RCVRN: variants seen among roughly 807,000 people sequenced by gnomAD.
The protein encoded by RCVRN is recoverin.
A neutral mutation model predicts 20.4 loss-of-function variants in RCVRN; 23 were observed. The ratio of observed to expected loss-of-function variants is 1.13; its 90% CI spans 0.81 to 1.60. The LOEUF is 1.60. Ranked by LOEUF, RCVRN falls within the 40% of genes most tolerant of loss-of-function variation. The probability of loss-of-function intolerance (pLI) is 0.00; values close to 1 mark genes in which losing one functional copy is unlikely to be tolerated. For missense variants in RCVRN, 254 were observed against 254.2 expected (o/e 1.00, Z 0.00); for synonymous variants, 105 against 105.9 (o/e 0.99, Z 0.05).
rs559813666 is a variant in RCVRN, at chr17:9,897,863, T to C, written c.*232A>G. ...GAGGGAGGGGTGGGACCGGGCATGA[T>C]GGGAGGGAATGCTGAAGACCCAGGA... On this transcript the variant is annotated 3_prime_UTR_variant, in exon 3 of 3. Coordinates refer to ENST00000226193, the MANE Select transcript of RCVRN (RefSeq NM_002903.3). 9.9e-6 allele frequency: 5 copies of C among 507,192 alleles called. No individual in the cohort carries two copies. Among genetic ancestry groups the C allele is most frequent in the Middle Eastern group, 5.3e-4 (1 of 1,900 alleles). 31.4% of individuals were successfully genotyped at this position (507,192 alleles called of 1,614,324 possible).
intron 1 of RCVRN, among the ~76,000 whole-genome samples, chr17:9,902,895 A>G (rs2067347727): frequency 6.6e-6 from 1 of 152,204 alleles, no homozygotes; most frequent in South Asian, 2.1e-4. Context: ...AGGCTGAGGC[A>G]GGAGAATTGC....
intron 1 of RCVRN, among the ~76,000 whole-genome samples, chr17:9,903,425 C>T (rs1370294408): frequency 2.6e-5 from 4 of 152,202 alleles, no homozygotes; most frequent in African/African-American, 2.4e-5. Flanking sequence ...CGGGGAGCCA[C>T]GCCGCGCGTG....
intron 1 of RCVRN, among the ~76,000 whole-genome samples, chr17:9,902,515 A>C (rs1164505464): frequency 6.6e-6 from 1 of 152,192 alleles, no homozygotes; most frequent in East Asian, 1.9e-4. Flanking sequence ...ACAGGAATGG[A>C]ATTAGAAGAA....
chr17:9,904,821 A>G lies in RCVRN; in HGVS notation c.360T>C (p.Asn120=). ...DVDGNGTISK[N]EVLEIVMAIF... The stretch of plus-strand genomic sequence containing the variant: ...TGACCATGACGATCTCCAGCACTTC[A>G]TTCTTGCTGATGGTCCCGTTACCGT... Residue 120 remains asparagine, a synonymous_variant, in exon 1 of 3, where the codon AAT becomes AAC. Coordinates refer to ENST00000226193, the MANE Select transcript of RCVRN (RefSeq NM_002903.3). The surrounding 1 kb of genome is among the most constrained non-coding windows in gnomAD (Gnocchi z 5.8). 1 of 1,614,078 alleles carries G rather than the reference A, an allele frequency of 6.2e-7. No individual in the cohort carries two copies. The highest frequency in any genetic ancestry group is 8.5e-7 in the Non-Finnish European group (1 of 1,179,982).
In RCVRN at chr17:9,900,984, T is replaced by A. The variant is rs771985289; in HGVS notation, c.493+5A>T. On this transcript the variant is annotated splice_donor_5th_base_variant and intron_variant, in intron 2 of 2. Coordinates refer to ENST00000226193, the MANE Select transcript of RCVRN (RefSeq NM_002903.3). ...ATCAAAGGCAATGAAGGAAAAGGAATTCACCATCATCATTCTTTCCAAAGT... is the reference window on the plus strand; with the variant it reads ...ATCAAAGGCAATGAAGGAAAAGGAAATCACCATCATCATTCTTTCCAAAGT... The A allele has an allele frequency of 1.3e-6, 2 of 1,532,574 alleles. No homozygotes were observed. The highest frequency in any genetic ancestry group is 3.5e-5 in the Admixed American group (2 of 56,460). The allele number at this position is 1,532,574 out of a possible 1,614,324, so 94.9% of individuals were successfully genotyped here.
Position 9,900,999 on chromosome 17 carries a change from C to A in RCVRN, c.483G>T (p.Lys161Asn). The change falls in exon 2 of 3, where the codon AAG becomes AAT. Residue 161 changes from lysine (K) to asparagine (N), a missense_variant. Coordinates refer to ENST00000226193, the MANE Select transcript of RCVRN (RefSeq NM_002903.3). The stretch of plus-strand genomic sequence containing the variant: ...GGAAAAGGAATTCACCATCATCATT[C>A]TTTCCAAAGTACTTCCAGATCTTCT... ...RAEKIWKYFG[K>N]NDDDKLTEKE... 1 of 1,593,762 alleles carries A rather than the reference C, an allele frequency of 6.3e-7. No individual in the cohort carries two copies.
rs769899959 is a variant in RCVRN, at chr17:9,905,229, C to T, written c.-49G>A. On this transcript the variant is annotated 5_prime_UTR_variant, in exon 1 of 3. Coordinates refer to ENST00000226193, the MANE Select transcript of RCVRN (RefSeq NM_002903.3). ...CTGGGGAGTCGCTGGGTGGGTGGGA[C>T]GTGCGTGGTCCCCTGGCCGCAGGCT... 20 of 1,538,360 alleles carry T rather than the reference C, an allele frequency of 1.3e-5. No individual in the cohort carries two copies. The highest frequency in any genetic ancestry group is 2.3e-5 in the East Asian group (1 of 43,536).
In RCVRN at chr17:9,900,889, C is replaced by T. The variant is rs146809372; in HGVS notation, c.493+100G>A. The T allele has an allele frequency of 2.5e-5, 18 of 731,848 alleles. No homozygotes were observed. In the Admixed American group the frequency reaches 3.4e-4, roughly 14 times the overall value. 45.3% of individuals were successfully genotyped at this position (731,848 alleles called of 1,614,324 possible). A position where few individuals can be genotyped will look rare whatever the true frequency, so the allele number is the denominator to read the frequency against. ...ACAATGGAATGAGGTGTCCCCCATC[C>T]TGCCTGGACACTGTGACTCAGAAGA... On this transcript the variant is annotated intron_variant, in intron 2 of 2. Transcript: ENST00000226193.
intron 1 of RCVRN, among the ~76,000 whole-genome samples, chr17:9,902,354 G>C (rs2067345139): frequency 6.6e-6 from 1 of 152,132 alleles, no homozygotes; most frequent in African/African-American, 2.4e-5. Flanking sequence ...TTGAGGATAA[G>C]CCCATGGACC....
chr17:9,904,829 T>A lies in RCVRN; in HGVS notation c.352A>T (p.Ser118Cys). 6.2e-7 allele frequency: 1 copy of A among 1,614,172 alleles called. No homozygotes were observed. Reference sequence around the variant, plus strand: ...ACGATCTCCAGCACTTCATTCTTGCTGATGGTCCCGTTACCGTCCACGTCG... The same window carrying A: ...ACGATCTCCAGCACTTCATTCTTGCAGATGGTCCCGTTACCGTCCACGTCG... ...LYDVDGNGTI[S>C]KNEVLEIVMA... is the part of the protein sequence containing the mutation. The change falls in exon 1 of 3, where the codon AGC becomes TGC. Residue 118 changes from serine to cysteine, a missense_variant. By Grantham distance (112) the Ser-to-Cys change is moderately radical (BLOSUM62 -1). Coordinates refer to ENST00000226193, the MANE Select transcript of RCVRN (RefSeq NM_002903.3). The surrounding 1 kb of genome is among the most constrained non-coding windows in gnomAD (Gnocchi z 5.8).
chr17:9,904,714 C>A lies in RCVRN; in HGVS notation c.381+86G>T, dbSNP rs375317646. 1.8e-5 allele frequency: 27 copies of A among 1,475,380 alleles called. No individual in the cohort carries two copies. The African/African-American group carries it at 2.2e-4, about 12-fold the overall frequency. 91.4% of individuals were successfully genotyped at this position (1,475,380 alleles called of 1,614,324 possible). A position where few individuals can be genotyped will look rare whatever the true frequency, so the allele number is the denominator to read the frequency against. ...ATCCCCCGCTCCACCCACAGATCCA[C>A]TCCCTCTGCAGCAGCTGCAGCAGGG... On this transcript the variant is annotated intron_variant, in intron 1 of 2. Transcript: ENST00000226193. The surrounding 1 kb of genome is among the most constrained non-coding windows in gnomAD (Gnocchi z 5.8).
At position 9,900,990 on chromosome 17, in the gene RCVRN, A is replaced by G; in HGVS notation, c.492T>C (p.Asp164=). 4 of 1,572,604 alleles carry G rather than the reference A, an allele frequency of 2.5e-6. No individual in the cohort carries two copies. Among genetic ancestry groups the G allele is most frequent in the Non-Finnish European group, 2.6e-6 (3 of 1,146,988 alleles). Residue 164 remains aspartate, a splice_region_variant and synonymous_variant, in exon 2 of 3, where the codon GAT becomes GAC. Coordinates refer to ENST00000226193, the MANE Select transcript of RCVRN (RefSeq NM_002903.3). ...KIWKYFGKND[D]DKLTEKEFIE... is the part of the protein sequence containing the mutation. ...GGCAATGAAGGAAAAGGAATTCACC[A>G]TCATCATTCTTTCCAAAGTACTTCC...
At chr17:9,901,542 G>A (rs758912216) in intron 1 of RCVRN, among the ~76,000 whole-genome samples, 1 of 150,008 alleles carries the variant, frequency 6.7e-6, no homozygotes, top group Non-Finnish European at 1.5e-5. Context: ...GCTTTGAGAA[G>A]TTTCCCTTCA....
chr17:9,904,783 G>A lies in RCVRN; in HGVS notation c.381+17C>T. 1 of 1,607,754 alleles carries A rather than the reference G, an allele frequency of 6.2e-7. No homozygotes were observed. Among genetic ancestry groups the A allele is most frequent in the African/African-American group, 1.3e-5 (1 of 74,954 alleles). On this transcript the variant is annotated intron_variant, in intron 1 of 2. Transcript: ENST00000226193. The surrounding 1 kb of genome is among the most constrained non-coding windows in gnomAD (Gnocchi z 5.8). ...ACCCCGGCACCGCCCAGCCAGAAGG[G>A]GAGAGGGGAGACTGACCATGACGAT...
intron 1 of RCVRN, among the ~76,000 whole-genome samples, chr17:9,903,463 T>A (rs2067350082): frequency 6.6e-6 from 1 of 152,208 alleles, no homozygotes; most frequent in Non-Finnish European, 1.5e-5. Context: ...CGTGGTGCCA[T>A]GATCCGCCCC....
rs1288775656 is a variant in RCVRN, at chr17:9,899,455, G to A, written c.494-1251C>T. On this transcript the variant is annotated intron_variant, in intron 2 of 2. Coordinates refer to ENST00000226193, the MANE Select transcript of RCVRN (RefSeq NM_002903.3). The surrounding 1 kb of genome is among the most constrained non-coding windows in gnomAD (Gnocchi z 4.6). ...CGAACAGGAGTAACACGTCGACCTC[G>A]GGGCTTCTGACGTCATCCCCTCCCG... 6.6e-6 allele frequency among the ~76,000 whole-genome samples: 1 copy of A among 152,202 alleles called. No homozygotes were observed. Among genetic ancestry groups the A allele is most frequent in the Non-Finnish European group, 1.5e-5 (1 of 68,042 alleles).
intron 1 of RCVRN, among the ~76,000 whole-genome samples, chr17:9,903,423 C>G (rs946825672): frequency 2.0e-5 from 3 of 152,224 alleles, no homozygotes; most frequent in African/African-American, 7.2e-5. Flanking sequence ...GCCGGGGAGC[C>G]ACGCCGCGCG....
chr17:9,900,880 T>C (rs1456946821), intron 2 of RCVRN, 109 bp downstream of exon 2: 10 of 667,868 alleles, frequency 1.5e-5, no homozygotes, highest in Middle Eastern at 2.5e-4. Context: ...GAATGAGGTG[T>C]CCCCCATCCT....
At chr17:9,900,875 A>G (rs2067338418) in intron 2 of RCVRN, 114 bp downstream of exon 2, 1 of 650,222 alleles carries the variant, frequency 1.5e-6, no homozygotes, top group East Asian at 2.7e-5. Context: ...CAATGGAATG[A>G]GGTGTCCCCC....
Sources: allele counts gnomAD v4.1 joint callset (sites outside exome capture counted in the v4.1 genomes callset), GRCh38; gene constraint gnomAD v4.1.1; non-coding constraint Gnocchi (gnomAD v3.1); transcripts MANE v1.5; gene names NCBI Gene and HGNC (gene_info 2026-07-23, HGNC 2026-07-21).